The following CCAR1 variants were observed in gnomAD, a reference collection of about 807,000 sequenced individuals.
The protein encoded by CCAR1 is cell division cycle and apoptosis regulator 1, also known as cell division cycle and apoptosis regulator protein 1.
In CCAR1, 78 loss-of-function variants were observed where a neutral mutation model predicts 163.8. The observed-to-expected ratio is 0.48, with a 90% CI of 0.40 to 0.57. The LOEUF is 0.57. Among genes scored for constraint, CCAR1 ranks in the 20% least tolerant of loss-of-function variants. CCAR1 has a pLI of 0.00. For synonymous variants in CCAR1, 443 were observed against 460.7 expected, an observed-to-expected ratio of 0.96 and a Z score of 0.49; for missense variants, 1,019 against 1,365.2, an observed-to-expected ratio of 0.75 and a Z score of 4.00.
In CCAR1 at chr10:68,771,388, C is replaced by G; in HGVS notation, c.2481C>G (p.Pro827=). ...ERDDETDEPK[P]KRRKSGDDKD... ...ATGATGAAACTGATGAACCAAAACCCAAACGGAGAAAATCAGGCGATGATA... is the reference window on the plus strand; with the variant it reads ...ATGATGAAACTGATGAACCAAAACCGAAACGGAGAAAATCAGGCGATGATA... The change falls in exon 18 of 25, where the codon CCC becomes CCG. Residue 827 remains proline (P), a synonymous_variant. Coordinates refer to ENST00000265872, the MANE Select transcript of CCAR1 (RefSeq NM_018237.4). The G allele has an allele frequency of 1.3e-6, 2 of 1,592,810 alleles. No individual in the cohort carries two copies. Among genetic ancestry groups the G allele is most frequent in the Non-Finnish European group, 1.7e-6 (2 of 1,169,858 alleles).
chr10:68,750,435 G>GGA (rs2056316916), intron 10 of CCAR1, among the ~76,000 whole-genome samples: 2 of 151,902 alleles, frequency 1.3e-5, no homozygotes, highest in Non-Finnish European at 2.9e-5. Context: ...TTGTTGGCCA[G>GGA]GTTTGTTTCG....
At chr10:68,760,422 A>G (rs1398444067) in intron 15 of CCAR1, among the ~76,000 whole-genome samples, 2 of 152,208 alleles carry the variant, frequency 1.3e-5, no homozygotes, top group Non-Finnish European at 2.9e-5. Flanking sequence ...CTTAGGGTAG[A>G]CAGCCAGAAA....
chr10:68,786,155 G>A lies in CCAR1; in HGVS notation c.2670G>A (p.Met890Ile). Residue 890 changes from methionine to isoleucine, a missense_variant, in exon 20 of 25, where the codon ATG becomes ATA. Transcript: ENST00000265872. The stretch of plus-strand genomic sequence containing the variant: ...TTACAGATAGGGATGAGGAAGAAAT[G>A]ACCAAACGAGATGACAAAAGAGATA... Reference protein sequence around the residue: ...DEEDDRDEEEMTKRDDKRDIN... With the variant: ...DEEDDRDEEEITKRDDKRDIN... 1 of 1,612,086 alleles carries A rather than the reference G, an allele frequency of 6.2e-7. No homozygotes were observed. The highest frequency in any genetic ancestry group is 8.5e-7 in the Non-Finnish European group (1 of 1,178,658).
intron 4 of CCAR1, 74 bp downstream of exon 4, chr10:68,737,963 T>C: frequency 1.0e-6 from 1 of 988,500 alleles, no homozygotes; most frequent in Non-Finnish European, 1.5e-6. Context: ...TGATAGAGAG[T>C]TTTATTTCTA....
intron 1 of CCAR1, 58 bp from the exon 2 acceptor site, chr10:68,722,397 C>T: frequency 1.2e-6 from 1 of 858,434 alleles, no homozygotes; most frequent in Non-Finnish European, 2.0e-6. Flanking sequence ...ATTGTAATAT[C>T]CTTTTGTGAT....
chr10:68,721,828 G>T (rs1301133032), intron 1 of CCAR1, among the ~76,000 whole-genome samples: 2 of 152,192 alleles, frequency 1.3e-5, no homozygotes, highest in East Asian at 3.9e-4. Context: ...GGGTGCACGG[G>T]CGGAGAATCT....
intron 2 of CCAR1, among the ~76,000 whole-genome samples, chr10:68,726,155 T>C (rs1484971763): frequency 1.5e-5 from 1 of 66,080 alleles, no homozygotes; most frequent in East Asian, 7.5e-4. Context: ...TTCAGGGTTT[T>C]AATTTTTTTT....
chr10:68,730,629 C>T (rs2133308490), intron 2 of CCAR1, among the ~76,000 whole-genome samples: 1 of 152,214 alleles, frequency 6.6e-6, no homozygotes, highest in South Asian at 2.1e-4. Flanking sequence ...AGCCACCGCA[C>T]CCAGCCAAAA....
intron 23 of CCAR1, 21 bp from the exon 24 acceptor site, chr10:68,789,689 T>C: frequency 7.0e-7 from 1 of 1,422,076 alleles, no homozygotes; most frequent in Non-Finnish European, 9.6e-7. Flanking sequence ...AAAATGTTAA[T>C]TTTTGGATTT....
chr10:68,772,422 G>A (rs1285860260), intron 18 of CCAR1, among the ~76,000 whole-genome samples: 2 of 151,838 alleles, frequency 1.3e-5, no homozygotes, highest in Non-Finnish European at 1.5e-5. Flanking sequence ...GTTGGAGGCT[G>A]CAGTAAGCCC....
intron 19 of CCAR1, among the ~76,000 whole-genome samples, chr10:68,784,695 T>C (rs2056775748): frequency 6.6e-6 from 1 of 151,962 alleles, no homozygotes; most frequent in South Asian, 2.1e-4. Flanking sequence ...ACCGCAGGCA[T>C]GCGCTACTTA....
chr10:68,773,200 T>G (rs573922041), intron 19 of CCAR1, 101 bp downstream of exon 19: 1 of 641,218 alleles, frequency 1.6e-6, no homozygotes, highest in East Asian at 3.3e-5. Context: ...ATTTTTTTCT[T>G]TAGAATAGAA....
intron 2 of CCAR1, among the ~76,000 whole-genome samples, chr10:68,734,342 G>A (rs896743581): frequency 4.0e-5 from 6 of 151,742 alleles, no homozygotes; most frequent in African/African-American, 7.3e-5. Flanking sequence ...TGGTTTTTAC[G>A]GCCTCTTGGT....
intron 10 of CCAR1, 119 bp from the exon 11 acceptor site, chr10:68,753,733 G>C: frequency 1.4e-6 from 1 of 714,442 alleles, no homozygotes; most frequent in South Asian, 1.8e-5. Flanking sequence ...ATTAGTAACT[G>C]ACTTTGTCTT....
Position 68,726,157 on chromosome 10 carries a change from A to ATT in CCAR1, c.73+3591_73+3592dup, listed in dbSNP as rs34258590. On this transcript the variant is annotated intron_variant, in intron 2 of 24. Transcript: ENST00000265872. ...AAGAAATGGGTACTTCAGGGTTTTA[A>ATT]TTTTTTTTTTTTGAGATTGAGTCTC... Among the ~76,000 whole-genome samples the ATT allele has an allele frequency of 1.7e-3, 234 of 139,334 alleles. 1 individual carries two copies. Among genetic ancestry groups the ATT allele is most frequent in the African/African-American group, 3.2e-3 (122 of 37,610 alleles). The allele number at this position is 139,334 out of a possible 152,430, so 91.4% of individuals were successfully genotyped here.
At chr10:68,757,491 T>C (rs2056409952) in intron 15 of CCAR1, 114 bp downstream of exon 15, 1 of 557,500 alleles carries the variant, frequency 1.8e-6, no homozygotes, top group Non-Finnish European at 3.2e-6. Context: ...CTCGGCTCAC[T>C]TCAGCCTCTG....
At chr10:68,763,684 G>T (rs2056502743) in intron 16 of CCAR1, among the ~76,000 whole-genome samples, 1 of 152,094 alleles carries the variant, frequency 6.6e-6, no homozygotes, top group Non-Finnish European at 1.5e-5. Context: ...CTGATCTCAG[G>T]TGATCTACCC....
rs2275933 is a variant in CCAR1 at position 68,721,680 on chromosome 10, C to T, written c.-51+398C>T. The T allele has an allele frequency of 5.0e-5, 20 of 396,996 alleles. No homozygotes were observed. In the East Asian group the frequency reaches 1.9e-3, roughly 38 times the overall value. 24.6% of individuals were successfully genotyped at this position (396,996 alleles called of 1,614,324 possible). A position where few individuals can be genotyped will look rare whatever the true frequency, so the allele number is the denominator to read the frequency against. On this transcript the variant is annotated intron_variant, in intron 1 of 24. Coordinates refer to ENST00000265872, the MANE Select transcript of CCAR1 (RefSeq NM_018237.4). ...GCTTTCTCCGTGCGTGGTAAACGAGCCCAGGGCTCTCGGGAGCCATCGAGT... is the reference window on the plus strand; with the variant it reads ...GCTTTCTCCGTGCGTGGTAAACGAGTCCAGGGCTCTCGGGAGCCATCGAGT...
chr10:68,773,005 AGAT>A lies in CCAR1; in HGVS notation c.2560_2562del (p.Asp854del). The stretch of plus-strand genomic sequence containing the variant: ...AATTATAGAAAGAAGATAAAAGAAA[AGAT>A]GATTCTAAAGATGATGATGAAACTG... On this transcript the variant is annotated inframe_deletion, in exon 19 of 25. Coordinates refer to ENST00000265872, the MANE Select transcript of CCAR1 (RefSeq NM_018237.4). The A allele has an allele frequency of 6.9e-7, 1 of 1,440,374 alleles. No individual in the cohort carries two copies. Among genetic ancestry groups the A allele is most frequent in the Non-Finnish European group, 9.6e-7 (1 of 1,046,806 alleles). 89.2% of individuals were successfully genotyped at this position (1,440,374 alleles called of 1,614,324 possible). A position where few individuals can be genotyped will look rare whatever the true frequency, so the allele number is the denominator to read the frequency against.
Sources: allele counts gnomAD v4.1 joint callset (sites outside exome capture counted in the v4.1 genomes callset), GRCh38; gene constraint gnomAD v4.1.1; transcripts MANE v1.5; gene names NCBI Gene and HGNC (gene_info 2026-07-23, HGNC 2026-07-21).